The following COPE variants were observed in gnomAD, a reference collection of about 807,000 sequenced individuals.
The protein encoded by COPE is coatomer subunit epsilon.
A neutral mutation model predicts 42.1 loss-of-function variants in COPE; 19 were observed. The observed-to-expected ratio is 0.45, with a 90% CI of 0.31 to 0.66. COPE has a LOEUF of 0.66. Among genes scored for constraint, COPE ranks in the 30% least tolerant of loss-of-function variants. The probability of loss-of-function intolerance (pLI) is 0.05; values close to 1 mark genes in which losing one functional copy is unlikely to be tolerated. For synonymous variants in COPE, 195 were observed against 181.3 expected (o/e 1.08, Z -0.60); for missense variants, 402 against 416.1 (o/e 0.97, Z 0.30).
At chr19:18,912,915 C>A in intron 2 of COPE, 69 bp downstream of exon 2, 1 of 1,512,418 alleles carries the variant, frequency 6.6e-7, no homozygotes, top group Non-Finnish European at 9.1e-7. Context: ...CTCTGTGGTG[C>A]CTTCCTGTCC....
chr19:18,909,146 G>A (rs2056788033), intron 3 of COPE, among the ~76,000 whole-genome samples: 1 of 152,256 alleles, frequency 6.6e-6, no homozygotes, highest in Non-Finnish European at 1.5e-5. Flanking sequence ...GCTTTTCTGT[G>A]ATGCTCACAG....
At chr19:18,904,672 A>T in intron 6 of COPE, 99 bp downstream of exon 6, 3 of 1,045,992 alleles carry the variant, frequency 2.9e-6, no homozygotes, top group Non-Finnish European at 2.8e-6. Flanking sequence ...CTGGAGCCCC[A>T]CTGGAGTGGC....
chr19:18,913,017 C>T lies in COPE; in HGVS notation c.156G>A (p.Arg52=). 1.2e-6 allele frequency: 2 copies of T among 1,611,926 alleles called. No homozygotes were observed. The highest frequency in any genetic ancestry group is 1.7e-6 in the Non-Finnish European group (2 of 1,179,914). The change falls in exon 2 of 10, where the codon AGG becomes AGA. Residue 52 remains arginine, a synonymous_variant. Coordinates refer to ENST00000262812, the MANE Select transcript of COPE (RefSeq NM_007263.4). ...GGTACGCTCTATACAGGAAGACGTC[C>T]CTCTCCACGTCTCTCTCTGGGCTTG... is the stretch of plus-strand genomic sequence containing the variant. The part of the protein sequence containing the change: ...KLSSPERDVE[R]DVFLYRAYLA...
Position 18,919,302 on chromosome 19 carries a change from A to G in COPE, c.47T>C (p.Val16Ala), listed in dbSNP as rs11537888. 6.2e-7 allele frequency: 1 copy of G among 1,613,036 alleles called. No homozygotes were observed. Among genetic ancestry groups the G allele is most frequent in the South Asian group, 1.1e-5 (1 of 91,034 alleles). Residue 16 changes from valine (V) to alanine (A), a missense_variant, in exon 1 of 10, where the codon GTA (valine) becomes GCA (alanine). Physicochemically the swap from Val to Ala is moderately conservative, Grantham distance 64. Transcript: ENST00000262812. ...GTTCTTTACGTCGAACAGCTCGTCT[A>G]CCTCCCCGGAGCCGCCGGAGGCCGG... is the stretch of plus-strand genomic sequence containing the variant. ...PGPASGGSGEVDELFDVKNAF... is the reference protein window; with the variant it reads ...PGPASGGSGEADELFDVKNAF...
In COPE at chr19:18,908,034, A is replaced by C. The variant is rs142050966; in HGVS notation, c.291-922T>G. Among the ~76,000 whole-genome samples the C allele has an allele frequency of 5.2e-3, 797 of 152,298 alleles. 11 individuals are homozygous for C. The highest frequency in any genetic ancestry group is 0.017 in the African/African-American group (725 of 41,562). The stretch of plus-strand genomic sequence containing the variant: ...GCAGGGGAGGAGCAAGGAGCTCCCA[A>C]GACCATCTTACAAAGCTTCCTGAGG... On this transcript the variant is annotated intron_variant, in intron 3 of 9. Transcript: ENST00000262812.
In COPE at chr19:18,912,321, A is replaced by AT. The variant is rs897286007; in HGVS notation, c.189+662dup. 6.6e-5 allele frequency among the ~76,000 whole-genome samples: 10 copies of AT among 150,434 alleles called. No individual in the cohort carries two copies. In the Middle Eastern group the frequency reaches 0.01, roughly 154 times the overall value. The stretch of plus-strand genomic sequence containing the variant: ...GCCACCATGACTGTCTTATTTTTTA[A>AT]TTTTTTTTTGTAGAGACGGGGGTCT... On this transcript the variant is annotated intron_variant, in intron 2 of 9. Transcript: ENST00000262812.
intron 1 of COPE, among the ~76,000 whole-genome samples, chr19:18,913,325 G>A (rs1263758166): frequency 1.3e-5 from 2 of 152,212 alleles, no homozygotes; most frequent in East Asian, 3.8e-4. Flanking sequence ...AGAAGCCAGG[G>A]TGGCACCCGC....
At chr19:18,919,187 C>T in intron 1 of COPE, 36 bp downstream of exon 1, 2 of 1,583,176 alleles carry the variant, frequency 1.3e-6, no homozygotes, top group Admixed American at 1.8e-5. Context: ...CCTCCGCCTC[C>T]GCCCCCAGCG....
chr19:18,905,717 G>T, intron 4 of COPE, 88 bp from the exon 5 acceptor site: 1 of 1,379,870 alleles, frequency 7.2e-7, no homozygotes, highest in Non-Finnish European at 9.9e-7. Context: ...GTGTGTGTCT[G>T]GGATGTTCCT....
chr19:18,906,758 G>T, intron 4 of COPE: 1 of 566,050 alleles, frequency 1.8e-6, no homozygotes, highest in Non-Finnish European at 3.0e-6. Context: ...CCGTGTCCTT[G>T]GATCTGCAGC....
chr19:18,915,341 G>A (rs1388102518), intron 1 of COPE, among the ~76,000 whole-genome samples: 3 of 152,228 alleles, frequency 2.0e-5, no homozygotes, highest in South Asian at 2.1e-4. Context: ...CCAGGAGACT[G>A]TGCGTGCGGA....
intron 3 of COPE, chr19:18,910,536 G>T (rs2056799653): frequency 5.6e-6 from 1 of 178,480 alleles, no homozygotes; most frequent in East Asian, 1.4e-4. Flanking sequence ...AGTGAGCCGA[G>T]ATCTCACCAC....
Position 18,918,586 on chromosome 19 carries a change from G to A in COPE, c.126+637C>T, listed in dbSNP as rs576331503. On this transcript the variant is annotated intron_variant, in intron 1 of 9. Transcript: ENST00000262812. ...CCGGTAGCTGAGATTACAAGTGCCC[G>A]CCACCACGCCCGGCTAATTTTTGGT... 5.2e-3 allele frequency among the ~76,000 whole-genome samples: 789 copies of A among 152,200 alleles called. 3 individuals are homozygous for A. The highest frequency in any genetic ancestry group is 9.8e-3 in the South Asian group (47 of 4,816).
chr19:18,908,140 T>C (rs902843365), intron 3 of COPE, among the ~76,000 whole-genome samples: 21 of 152,268 alleles, frequency 1.4e-4, no homozygotes, highest in Admixed American at 1.0e-3. Context: ...GGTGTTACAA[T>C]TACCAATGGG....
intron 1 of COPE, 94 bp downstream of exon 1, chr19:18,919,127 AAG>A (rs1396615374): frequency 7.2e-7 from 1 of 1,391,990 alleles, no homozygotes; most frequent in African/African-American, 1.5e-5. Context: ...GCGAGAAGAA[AAG>A]AGAAAGTTTT....
At position 18,903,443 on chromosome 19, in the gene COPE, TCA is replaced by T. The variant is rs749691968; in HGVS notation, c.580-22_580-21del. 1.9e-6 allele frequency: 3 copies of T among 1,587,928 alleles called. No individual in the cohort carries two copies. In the African/African-American group the frequency reaches 4.0e-5, roughly 21 times the overall value. On this transcript the variant is annotated intron_variant, in intron 6 of 9. Transcript: ENST00000262812. ...ACCACCCTGCAGGGAGGGTCCCGCA[TCA>T]TTGCCTGTGCCCCTGCTGCCCGGCC...
chr19:18,904,826 A>G lies in COPE; in HGVS notation c.524T>C (p.Leu175Pro), dbSNP rs745736917. The change falls in exon 6 of 10, where the codon CTG (leucine) becomes CCG (proline). Residue 175 changes from leucine (L) to proline (P), a missense_variant. Coordinates refer to ENST00000262812, the MANE Select transcript of COPE (RefSeq NM_007263.4). The stretch of plus-strand genomic sequence containing the variant: ...CTGGGTGAGGGTGGCATCCTCGTCC[A>G]GGTCCTGCATTCTCTTCAGCTCCTT... ...ARKELKRMQD[L>P]DEDATLTQLA... 9.0e-6 allele frequency: 14 copies of G among 1,555,726 alleles called. No individual in the cohort carries two copies. The highest frequency in any genetic ancestry group is 1.2e-5 in the Non-Finnish European group (14 of 1,149,402).
intron 4 of COPE, 149 bp downstream of exon 4, chr19:18,906,811 C>T: frequency 1.1e-6 from 1 of 926,780 alleles, no homozygotes; most frequent in East Asian, 2.8e-5. Flanking sequence ...GGCAGGGGAG[C>T]TGGAGCCTGG....
chr19:18,915,308 G>A (rs1248476947), intron 1 of COPE, among the ~76,000 whole-genome samples: 3 of 152,216 alleles, frequency 2.0e-5, no homozygotes, highest in Admixed American at 6.5e-5. Context: ...GGCCTCAGCC[G>A]CCCCTGTGTG....
Sources: allele counts gnomAD v4.1 joint callset (sites outside exome capture counted in the v4.1 genomes callset), GRCh38; gene constraint gnomAD v4.1.1; transcripts MANE v1.5; gene names NCBI Gene and HGNC (gene_info 2026-07-23, HGNC 2026-07-21).